The following SYN3 variants were observed in gnomAD, a reference collection of about 807,000 sequenced individuals.
SYN3 encodes synapsin III.
Under a neutral mutation model 65.8 loss-of-function variants are expected in SYN3, and 35 were observed. The observed-to-expected ratio is 0.53, with a 90% confidence interval of 0.41 to 0.70. The LOEUF (loss-of-function observed/expected upper bound fraction) is 0.70. SYN3 is among the 30% of genes least tolerant of loss of function. SYN3 has a pLI of 0.00. For missense variants in SYN3, 680 were observed against 749.0 expected (o/e 0.91, Z 1.08); for synonymous variants, 270 against 292.9 (o/e 0.92, Z 0.80).
At chr22:32,762,982 G>A (rs1384311079) in intron 6 of SYN3, among the ~76,000 whole-genome samples, 2 of 152,166 alleles carry the variant, frequency 1.3e-5, no homozygotes, top group South Asian at 2.1e-4. Flanking sequence ...GGGGACCAAG[G>A]CTAAATAACA....
intron 6 of SYN3, among the ~76,000 whole-genome samples, chr22:32,655,234 C>T (rs2060126789): frequency 6.6e-6 from 1 of 152,188 alleles, no homozygotes; most frequent in Non-Finnish European, 1.5e-5. Context: ...CAAGAAGTAC[C>T]CTCTTTGAGG....
chr22:32,611,357 C>G (rs2710393), intron 6 of SYN3, among the ~76,000 whole-genome samples: 29,850 of 145,794 alleles, frequency 0.2, 3,275 homozygotes, highest in African/African-American at 0.24. Context: ...GCAATGGCAC[C>G]ATCTCGGCTC....
At chr22:32,596,872 T>C in intron 6 of SYN3, 136 bp from the exon 7 acceptor site, 1 of 881,520 alleles carries the variant, frequency 1.1e-6, no homozygotes. Flanking sequence ...CGACAGATGG[T>C]CACCCAGCCA....
chr22:32,918,251 AG>A, intron 4 of SYN3, among the ~76,000 whole-genome samples: 1 of 152,346 alleles, frequency 6.6e-6, no homozygotes, highest in Non-Finnish European at 1.5e-5. Flanking sequence ...TTGATCCTCA[AG>A]GAAGGTTCAG....
chr22:32,955,166 T>C (rs2051414147), intron 3 of SYN3, among the ~76,000 whole-genome samples: 1 of 152,124 alleles, frequency 6.6e-6, no homozygotes, highest in Non-Finnish European at 1.5e-5. Flanking sequence ...GACCTACTAC[T>C]TCCTACTACT....
At chr22:32,556,129 A>G (rs2146325282) in intron 7 of SYN3, among the ~76,000 whole-genome samples, 1 of 152,360 alleles carries the variant, frequency 6.6e-6, no homozygotes, top group East Asian at 1.9e-4. Flanking sequence ...AAGGCCAAAG[A>G]AGTACTAAGC....
chr22:32,556,905 T>C (rs929645971), intron 7 of SYN3, among the ~76,000 whole-genome samples: 1 of 147,642 alleles, frequency 6.8e-6, no homozygotes, highest in African/African-American at 2.5e-5. Flanking sequence ...ATGGTCCTCC[T>C]GCCTTGACCT....
chr22:32,633,143 T>C (rs1239972280), intron 6 of SYN3, among the ~76,000 whole-genome samples: 2 of 152,254 alleles, frequency 1.3e-5, no homozygotes, highest in African/African-American at 2.4e-5. Context: ...ATGAAGGGAT[T>C]TGACGTCATG....
intron 6 of SYN3, among the ~76,000 whole-genome samples, chr22:32,856,328 G>A (rs1268054847): frequency 1.3e-5 from 2 of 152,158 alleles, no homozygotes; most frequent in Non-Finnish European, 2.9e-5. Context: ...GGGTATGGCT[G>A]GCTGCACAGG....
At chr22:33,027,677 AAGAAAGAAAG>A (rs1436625484) in intron 1 of SYN3, among the ~76,000 whole-genome samples, 1 of 151,820 alleles carries the variant, frequency 6.6e-6, no homozygotes, top group Non-Finnish European at 1.5e-5. Flanking sequence ...AAAGAAAGAA[AAGAAAGAAAG>A]AGAAAGAAAG....
At chr22:32,741,817 C>G (rs1235017361) in intron 6 of SYN3, among the ~76,000 whole-genome samples, 1 of 152,130 alleles carries the variant, frequency 6.6e-6, no homozygotes, top group Non-Finnish European at 1.5e-5. Flanking sequence ...CTAGTATCTT[C>G]CCAAACATCT....
chr22:32,945,691 G>C (rs2051086471), intron 3 of SYN3, among the ~76,000 whole-genome samples: 1 of 152,194 alleles, frequency 6.6e-6, no homozygotes, highest in Admixed American at 6.5e-5. Flanking sequence ...ATTGACAAAT[G>C]GGATCTAATT....
chr22:32,551,677 T>C (rs1310236321), intron 7 of SYN3, among the ~76,000 whole-genome samples: 1 of 152,124 alleles, frequency 6.6e-6, no homozygotes, highest in Non-Finnish European at 1.5e-5. Flanking sequence ...CTAGATGATA[T>C]TAAAGAATTA....
At chr22:33,040,471 T>C (rs1297086248) in intron 1 of SYN3, among the ~76,000 whole-genome samples, 1 of 152,218 alleles carries the variant, frequency 6.6e-6, no homozygotes, top group East Asian at 1.9e-4. Flanking sequence ...TTAGTTCTCC[T>C]TCAAATCCAC....
At chr22:32,769,245 G>GCT (rs3070580) in intron 6 of SYN3, among the ~76,000 whole-genome samples, 119,014 of 151,868 alleles carry the variant, frequency 0.78, 47,470 homozygotes, top group African/African-American at 0.94. Context: ...TCTGGATTCT[G>GCT]CTCTCTCTTT....
rs2058559187 is a variant in SYN3 at position 32,559,833 on chromosome 22, A to G, written c.775-18120T>C. Among the ~76,000 whole-genome samples, 5 of 75,376 alleles carry G rather than the reference A, an allele frequency of 6.6e-5. 1 individual carries two copies. In the Admixed American group the frequency reaches 8.2e-4, roughly 12 times the overall value. The allele number at this position is 75,376 out of a possible 152,430, so 49.4% of individuals were successfully genotyped here. A position where few individuals can be genotyped will look rare whatever the true frequency, so the allele number is the denominator to read the frequency against. Reference sequence around the variant, plus strand: ...AGACAGAGCGAGACTCCGTCTCAACAAAAAAAAAAAAAAAGAAAAAAAGAA... The same window carrying G: ...AGACAGAGCGAGACTCCGTCTCAACGAAAAAAAAAAAAAAGAAAAAAAGAA... On this transcript the variant is annotated intron_variant, in intron 7 of 13. Coordinates refer to ENST00000358763, the MANE Select transcript of SYN3 (RefSeq NM_003490.4).
intron 4 of SYN3, among the ~76,000 whole-genome samples, chr22:32,915,202 CA>C: frequency 6.6e-6 from 1 of 152,230 alleles, no homozygotes; most frequent in Admixed American, 6.5e-5. Context: ...AGCAAACCAC[CA>C]TGGCACATGT....
intron 2 of SYN3, among the ~76,000 whole-genome samples, chr22:32,981,066 G>T (rs1267536852): frequency 6.6e-6 from 1 of 151,000 alleles, no homozygotes; most frequent in East Asian, 2.0e-4. Flanking sequence ...TGTCGGTCAG[G>T]CTGGTATCAA....
chr22:32,547,929 C>A (rs1052658141), intron 7 of SYN3, among the ~76,000 whole-genome samples: 4 of 152,308 alleles, frequency 2.6e-5, no homozygotes, highest in South Asian at 4.1e-4. Flanking sequence ...GAATGGCCCT[C>A]GTTATTCTAT....
Sources: allele counts gnomAD v4.1 joint callset (sites outside exome capture counted in the v4.1 genomes callset), GRCh38; gene constraint gnomAD v4.1.1; transcripts MANE v1.5; gene names NCBI Gene and HGNC (gene_info 2026-07-23, HGNC 2026-07-21).